PTPRD: variants seen among roughly 807,000 people sequenced by gnomAD.
PTPRD encodes the protein receptor-type tyrosine-protein phosphatase delta.
In PTPRD, 34 loss-of-function variants were observed where a neutral mutation model predicts 214.5. That is an observed-to-expected ratio of 0.16 (90% CI 0.12 to 0.21). The LOEUF (loss-of-function observed/expected upper bound fraction) is 0.21, where lower values mean the gene tolerates loss of function less well. Among genes scored for constraint, PTPRD ranks in the 10% least tolerant of loss-of-function variants. PTPRD has a pLI of 1.00. For missense variants in PTPRD, 2,545 were observed against 2,398.7 expected, an observed-to-expected ratio of 1.06 and a Z score of -1.27; for synonymous variants, 1,128 against 845.7, an observed-to-expected ratio of 1.33 and a Z score of -5.79.
intron 5 of PTPRD, among the ~76,000 whole-genome samples, chr9:9,817,150 G>C (rs1009277301): frequency 3.3e-5 from 5 of 152,074 alleles, no homozygotes; most frequent in African/African-American, 1.2e-4. Flanking sequence ...AGGGAGACAA[G>C]TCATATAAAT....
chr9:9,695,345 C>T, intron 7 of PTPRD, among the ~76,000 whole-genome samples: 1 of 152,134 alleles, frequency 6.6e-6, no homozygotes, highest in East Asian at 1.9e-4. Flanking sequence ...TCTTCACTCT[C>T]CTCTTTTTAA....
At chr9:9,576,069 G>C (rs1399677466) in intron 7 of PTPRD, among the ~76,000 whole-genome samples, 1 of 152,144 alleles carries the variant, frequency 6.6e-6, no homozygotes, top group African/African-American at 2.4e-5. Flanking sequence ...AAATAGAAAA[G>C]TTATAATAGA....
intron 9 of PTPRD, among the ~76,000 whole-genome samples, chr9:9,374,230 G>A (rs2060225462): frequency 6.6e-6 from 1 of 151,948 alleles, no homozygotes; most frequent in Non-Finnish European, 1.5e-5. Flanking sequence ...TAGCTGCCAA[G>A]GGGGACAGGA....
At chr9:9,427,344 G>A (rs938187176) in intron 8 of PTPRD, among the ~76,000 whole-genome samples, 2 of 152,242 alleles carry the variant, frequency 1.3e-5, no homozygotes, top group Admixed American at 6.5e-5. Context: ...GAAATGAAGC[G>A]AGAAGAGAAG....
At chr9:10,231,983 A>AGT (rs1194347516) in intron 3 of PTPRD, among the ~76,000 whole-genome samples, 21 of 97,228 alleles carry the variant, frequency 2.2e-4, no homozygotes, top group Middle Eastern at 5.7e-3. Flanking sequence ...AGAGAGAGAG[A>AGT]GAGAGAGTGT....
At chr9:10,055,657 T>A (rs1005649977) in intron 3 of PTPRD, among the ~76,000 whole-genome samples, 1 of 151,986 alleles carries the variant, frequency 6.6e-6, no homozygotes, top group Non-Finnish European at 1.5e-5. Context: ...AAACACAGTT[T>A]TATTTTGCAG....
In PTPRD at chr9:9,663,790, G is replaced by C. The variant is rs556530008; in HGVS notation, c.-287+70743C>G. 2.5e-3 allele frequency among the ~76,000 whole-genome samples: 384 copies of C among 151,600 alleles called. 2 individuals are homozygous for C. The highest frequency in any genetic ancestry group is 8.7e-3 in the African/African-American group (360 of 41,470). On this transcript the variant is annotated intron_variant, in intron 7 of 45. Coordinates refer to ENST00000381196, the MANE Select transcript of PTPRD (RefSeq NM_002839.4). ...AATATATGTATATAATATATGGCAT[G>C]TTATTCTGATAGTTTTAACAGCTGT...
chr9:9,623,610 G>T (rs1172742152), intron 7 of PTPRD, among the ~76,000 whole-genome samples: 2 of 152,098 alleles, frequency 1.3e-5, no homozygotes, highest in African/African-American at 2.4e-5. Context: ...CACACCGTGG[G>T]AAATAAATGA....
At chr9:10,531,134 G>C (rs985075862) in intron 2 of PTPRD, among the ~76,000 whole-genome samples, 1 of 152,032 alleles carries the variant, frequency 6.6e-6, no homozygotes, top group Non-Finnish European at 1.5e-5. Flanking sequence ...ATTTTTAGTA[G>C]AGACGGGGTT....
intron 9 of PTPRD, among the ~76,000 whole-genome samples, chr9:9,275,712 C>T (rs1945346059): frequency 6.6e-6 from 1 of 151,202 alleles, no homozygotes; most frequent in African/African-American, 2.4e-5. Flanking sequence ...AAAATGTATT[C>T]AAATGACTCA....
chr9:9,582,744 C>T (rs964836034), intron 7 of PTPRD, among the ~76,000 whole-genome samples: 1 of 151,844 alleles, frequency 6.6e-6, no homozygotes, highest in African/African-American at 2.4e-5. Context: ...GTGGTATATT[C>T]TTCTGGAGGC....
chr9:10,000,850 A>G lies in PTPRD; in HGVS notation c.-472+32868T>C, dbSNP rs368635019. Among the ~76,000 whole-genome samples the G allele has an allele frequency of 3.0e-4, 45 of 152,256 alleles. No homozygotes were observed. In the South Asian group the frequency reaches 6.4e-3, roughly 22 times the overall value. ...CACCCCTAGCTATCTCCACGGGTGC[A>G]GGACATCTGGTGGCCTGCATTTGCA... On this transcript the variant is annotated intron_variant, in intron 4 of 45. Coordinates refer to ENST00000381196, the MANE Select transcript of PTPRD (RefSeq NM_002839.4).
chr9:10,327,119 T>A (rs1348885106), intron 3 of PTPRD, among the ~76,000 whole-genome samples: 5 of 149,946 alleles, frequency 3.3e-5, no homozygotes, highest in Admixed American at 2.7e-4. Context: ...ATTACATATA[T>A]AAATATATTA....
rs145260853 is a variant in PTPRD at position 9,071,456 on chromosome 9, T to C, written c.-142-52721A>G. 9.9e-4 allele frequency among the ~76,000 whole-genome samples: 150 copies of C among 152,258 alleles called. 1 individual carries two copies. The highest frequency in any genetic ancestry group is 1.9e-3 in the African/African-American group (81 of 41,564). On this transcript the variant is annotated intron_variant, in intron 10 of 45. Transcript: ENST00000381196. ...CTTCTCTGAAGTTAGAGATTTTACA[T>C]AGGAGAGAGTCTTCTTGCTGGCTTG...
chr9:9,972,480 C>A (rs561106509), intron 4 of PTPRD, among the ~76,000 whole-genome samples: 4 of 152,282 alleles, frequency 2.6e-5, no homozygotes, highest in African/African-American at 9.6e-5. Flanking sequence ...TAATTTCATT[C>A]ACTCCCTTCA....
chr9:9,779,078 CAAAAAA>C (rs869120926), intron 5 of PTPRD, among the ~76,000 whole-genome samples: 22 of 45,480 alleles, frequency 4.8e-4, no homozygotes, highest in Admixed American at 9.2e-4. Flanking sequence ...ATAAGACTGA[CAAAAAA>C]AAAAAAAAAA....
chr9:9,686,935 G>A (rs770104081), intron 7 of PTPRD, among the ~76,000 whole-genome samples: 7 of 151,642 alleles, frequency 4.6e-5, no homozygotes, highest in Non-Finnish European at 1.0e-4. Flanking sequence ...GGTGCTACAG[G>A]AAACAAAAAT....
At chr9:10,039,333 T>C (rs1382074923) in intron 3 of PTPRD, among the ~76,000 whole-genome samples, 1 of 152,044 alleles carries the variant, frequency 6.6e-6, no homozygotes, top group East Asian at 1.9e-4. Context: ...ATCCCAATTG[T>C]CCATGTCCCT....
At chr9:8,640,722 C>A (rs1046785434) in intron 12 of PTPRD, among the ~76,000 whole-genome samples, 4 of 150,378 alleles carry the variant, frequency 2.7e-5, no homozygotes, top group African/African-American at 7.3e-5. Context: ...TGAAAGACAT[C>A]GGCCTCACTG....
Sources: gnomAD v4.1 joint callset for allele counts (sites outside exome capture counted in the v4.1 genomes callset) on GRCh38, gnomAD v4.1.1 for gene constraint, MANE v1.5 for transcripts, NCBI Gene and HGNC (gene_info 2026-07-23, HGNC 2026-07-21) for gene names.